Variants in ADCY2 observed in about 807,000 individuals in gnomAD.
ADCY2 encodes the protein adenylate cyclase 2, also known as adenylate cyclase type 2.
ADCY2 carries 31 observed loss-of-function variants against 125.2 expected under a neutral mutation model. The observed-to-expected ratio is 0.25, with a 90% CI of 0.19 to 0.33. The LOEUF is 0.33. Among genes scored for constraint, ADCY2 ranks in the 10% least tolerant of loss-of-function variants. The pLI is 1.00. For missense variants in ADCY2, 904 were observed against 1,418.2 expected, an observed-to-expected ratio of 0.64 and a Z score of 5.82; for synonymous variants, 512 against 548.4, an observed-to-expected ratio of 0.93 and a Z score of 0.93.
chr5:7,701,099 AT>A (rs201712615), intron 7 of ADCY2, among the ~76,000 whole-genome samples: 22 of 150,536 alleles, frequency 1.5e-4, no homozygotes, highest in South Asian at 4.2e-4. Flanking sequence ...AAAAAAATAT[AT>A]TTTTTTTTTC....
At chr5:7,763,494 C>T (rs1743297645) in intron 16 of ADCY2, among the ~76,000 whole-genome samples, 1 of 152,110 alleles carries the variant, frequency 6.6e-6, no homozygotes, top group Admixed American at 6.6e-5. Flanking sequence ...TGCAATGTTG[C>T]GCGACCATCA....
At chr5:7,781,590 G>A (rs1164626278) in intron 18 of ADCY2, among the ~76,000 whole-genome samples, 1 of 152,142 alleles carries the variant, frequency 6.6e-6, no homozygotes, top group Non-Finnish European at 1.5e-5. Context: ...ATTCCCTAAT[G>A]GTTTCAGAAG....
At chr5:7,518,750 T>A (rs1193772961) in intron 2 of ADCY2, among the ~76,000 whole-genome samples, 1 of 152,160 alleles carries the variant, frequency 6.6e-6, no homozygotes, top group Admixed American at 6.5e-5. Flanking sequence ...CCGAGACGGC[T>A]GGACTCAGAA....
chr5:7,784,011 T>C (rs1048247377), intron 18 of ADCY2, among the ~76,000 whole-genome samples: 2 of 152,218 alleles, frequency 1.3e-5, no homozygotes, highest in African/African-American at 2.4e-5. Context: ...AAGCATACTG[T>C]CTCTTTCCGA....
chr5:7,695,981 G>A, intron 6 of ADCY2, 118 bp downstream of exon 6: 1 of 632,454 alleles, frequency 1.6e-6, no homozygotes, highest in Non-Finnish European at 2.5e-6. Context: ...AACATTGTTT[G>A]TAGAAGTTGT....
intron 3 of ADCY2, among the ~76,000 whole-genome samples, chr5:7,547,442 T>A (rs1385360202): frequency 1.3e-5 from 2 of 152,178 alleles, no homozygotes; most frequent in African/African-American, 4.8e-5. Context: ...GTCATAGGTA[T>A]GGGTCTCGCA....
intron 20 of ADCY2, among the ~76,000 whole-genome samples, chr5:7,792,741 G>A (rs146466418): frequency 2.0e-5 from 3 of 152,310 alleles, no homozygotes; most frequent in East Asian, 1.9e-4. Flanking sequence ...TACACAGTGC[G>A]GCCTCAAATC....
At chr5:7,787,921 G>T (rs1484445453) in intron 19 of ADCY2, among the ~76,000 whole-genome samples, 1 of 152,120 alleles carries the variant, frequency 6.6e-6, no homozygotes, top group Non-Finnish European at 1.5e-5. Flanking sequence ...CTGCTCCCTT[G>T]GAGGTGGTTT....
intron 4 of ADCY2, among the ~76,000 whole-genome samples, chr5:7,646,705 C>T (rs1224626304): frequency 6.6e-6 from 1 of 152,158 alleles, no homozygotes; most frequent in Admixed American, 6.6e-5. Flanking sequence ...GCACATCGTA[C>T]AGCTCAGCAT....
At chr5:7,639,768 A>AGT (rs1220143870) in intron 4 of ADCY2, among the ~76,000 whole-genome samples, 3 of 152,160 alleles carry the variant, frequency 2.0e-5, no homozygotes, top group Non-Finnish European at 4.4e-5. Context: ...GTCATCTTGA[A>AGT]ACTTCAAACA....
intron 2 of ADCY2, among the ~76,000 whole-genome samples, chr5:7,455,768 A>ATATAC (rs1027239391): frequency 1.4e-5 from 2 of 145,422 alleles, no homozygotes; most frequent in Non-Finnish European, 3.0e-5. Context: ...ATATATACAT[A>ATATAC]TATACTATAT....
intron 2 of ADCY2, among the ~76,000 whole-genome samples, chr5:7,519,060 C>T: frequency 6.6e-6 from 1 of 152,164 alleles, no homozygotes; most frequent in East Asian, 1.9e-4. Flanking sequence ...TCGAAGAGTG[C>T]CTCTTCAGGA....
chr5:7,523,880 G>A (rs966522955), intron 3 of ADCY2, among the ~76,000 whole-genome samples: 28 of 152,282 alleles, frequency 1.8e-4, no homozygotes, highest in African/African-American at 6.3e-4. Flanking sequence ...TGCCTTCTAA[G>A]CCACCAAAGG....
At chr5:7,512,233 A>AAAAAAAAAAAAAAAAAAC (rs1561066830) in intron 2 of ADCY2, among the ~76,000 whole-genome samples, 1 of 143,758 alleles carries the variant, frequency 7.0e-6, no homozygotes, top group Non-Finnish European at 1.5e-5. Flanking sequence ...AAAAAAAAAA[A>AAAAAAAAAAAAAAAAAAC]AAAAAAAGAA....
intron 3 of ADCY2, among the ~76,000 whole-genome samples, chr5:7,583,812 A>G (rs937385780): frequency 1.4e-4 from 21 of 152,146 alleles, no homozygotes; most frequent in African/African-American, 5.1e-4. Context: ...AATAGCAAAA[A>G]CTGGGAACAG....
intron 5 of ADCY2, among the ~76,000 whole-genome samples, chr5:7,694,645 G>A (rs1164978473): frequency 6.6e-6 from 1 of 152,156 alleles, no homozygotes; most frequent in Non-Finnish European, 1.5e-5. Flanking sequence ...CCATTGTATG[G>A]ATAGACCACA....
chr5:7,555,667 A>C (rs1313132830), intron 3 of ADCY2, among the ~76,000 whole-genome samples: 1 of 152,204 alleles, frequency 6.6e-6, no homozygotes, highest in African/African-American at 2.4e-5. Context: ...TATTTTAGGA[A>C]TATGACATTC....
chr5:7,651,768 C>T (rs922986418), intron 4 of ADCY2, among the ~76,000 whole-genome samples: 6 of 152,114 alleles, frequency 3.9e-5, no homozygotes, highest in Non-Finnish European at 4.4e-5. Flanking sequence ...CATTAATGAA[C>T]ATCTCTTCCA....
chr5:7,653,041 G>A (rs1034088960), intron 4 of ADCY2, among the ~76,000 whole-genome samples: 9 of 152,206 alleles, frequency 5.9e-5, no homozygotes, highest in Non-Finnish European at 1.2e-4. Context: ...ACTGTGTGCT[G>A]GAAATGATAT....
Sources: gnomAD v4.1 joint callset for allele counts (sites outside exome capture counted in the v4.1 genomes callset) on GRCh38, gnomAD v4.1.1 for gene constraint, MANE v1.5 for transcripts, NCBI Gene and HGNC (gene_info 2026-07-23, HGNC 2026-07-21) for gene names.